Variants in CLNK observed in about 807,000 individuals in gnomAD.
CLNK encodes the protein cytokine dependent hematopoietic cell linker, also known as cytokine-dependent hematopoietic cell linker.
A neutral mutation model predicts 68.6 loss-of-function variants in CLNK; 74 were observed. The observed-to-expected ratio is 1.08, with a 90% CI of 0.89 to 1.31. CLNK has a LOEUF of 1.31. Among genes scored for constraint, CLNK ranks in the 50% most tolerant of loss-of-function variants. CLNK has a pLI of 0.00. For synonymous variants in CLNK, 198 were observed against 172.2 expected (o/e 1.15, Z -1.17); for missense variants, 553 against 515.3 (o/e 1.07, Z -0.71).
chr4:10,577,612 C>T (rs6852503), intron 4 of CLNK, among the ~76,000 whole-genome samples: 111,798 of 151,848 alleles, frequency 0.74, 41,974 homozygotes, highest in East Asian at 0.85. Context: ...TTTTTGTTTT[C>T]TTTCTCCATC....
intron 9 of CLNK, 71 bp downstream of exon 9, chr4:10,542,184 T>C: frequency 1.7e-6 from 2 of 1,196,806 alleles, no homozygotes; most frequent in Non-Finnish European, 2.4e-6. Flanking sequence ...TCTGAGTTTT[T>C]GCATCATCTA....
chr4:10,675,778 A>G (rs995509731), intron 1 of CLNK, among the ~76,000 whole-genome samples: 2 of 152,148 alleles, frequency 1.3e-5, no homozygotes, highest in Non-Finnish European at 2.9e-5. Context: ...GCAAACTGTG[A>G]ACGGCTAAAG....
chr4:10,614,660 G>C (rs891725865), intron 2 of CLNK, among the ~76,000 whole-genome samples: 1 of 152,164 alleles, frequency 6.6e-6, no homozygotes, highest in African/African-American at 2.4e-5. Flanking sequence ...AAGAGGCCAC[G>C]GAATCTGTGT....
At chr4:10,565,158 G>A (rs1206789128) in intron 6 of CLNK, among the ~76,000 whole-genome samples, 3 of 152,074 alleles carry the variant, frequency 2.0e-5, no homozygotes, top group African/African-American at 7.2e-5. Flanking sequence ...CATCGGTTGA[G>A]CTGCTGGTTT....
chr4:10,587,913 GC>G (rs1027244564), intron 3 of CLNK, among the ~76,000 whole-genome samples: 1 of 152,182 alleles, frequency 6.6e-6, no homozygotes, highest in African/African-American at 2.4e-5. Flanking sequence ...AACAGTTGGC[GC>G]CCTTTCAAGC....
intron 1 of CLNK, among the ~76,000 whole-genome samples, chr4:10,674,205 G>A (rs1223400535): frequency 5.9e-5 from 9 of 152,048 alleles, no homozygotes; most frequent in Non-Finnish European, 1.3e-4. Flanking sequence ...TGTCAGGGAG[G>A]GACCAGGCAG....
intron 2 of CLNK, among the ~76,000 whole-genome samples, chr4:10,606,585 A>T (rs775085542): frequency 6.6e-6 from 1 of 152,234 alleles, no homozygotes; most frequent in African/African-American, 2.4e-5. Context: ...ATATGCTGGC[A>T]GCACAGTTTT....
intron 17 of CLNK, among the ~76,000 whole-genome samples, chr4:10,504,552 A>C (rs1039729542): frequency 6.6e-6 from 1 of 152,224 alleles, no homozygotes; most frequent in African/African-American, 2.4e-5. Context: ...AATACCGAAA[A>C]GCCAAACCAA....
chr4:10,513,344 A>G, intron 16 of CLNK, 120 bp downstream of exon 16: 1 of 865,324 alleles, frequency 1.2e-6, no homozygotes, highest in South Asian at 1.9e-5. Flanking sequence ...AGTAACATAT[A>G]GCCAGAAGGG....
At chr4:10,546,825 T>C (rs997678850) in intron 8 of CLNK, among the ~76,000 whole-genome samples, 1 of 152,174 alleles carries the variant, frequency 6.6e-6, no homozygotes, top group African/African-American at 2.4e-5. Flanking sequence ...TTTATTTCTT[T>C]CAGTTGTGGA....
intron 2 of CLNK, among the ~76,000 whole-genome samples, chr4:10,618,590 A>G (rs1163576431): frequency 6.6e-6 from 1 of 152,252 alleles, no homozygotes; most frequent in Non-Finnish European, 1.5e-5. Flanking sequence ...GGTAATTTAT[A>G]AAGAAATGAG....
the CLNK span, among the ~76,000 whole-genome samples, chr4:10,733,814 T>C: frequency 1.3e-5 from 2 of 152,240 alleles, no homozygotes; most frequent in African/African-American, 4.8e-5. Context: ...GCTAGAGTTC[T>C]ACAGAGAATG....
At chr4:10,690,433 C>A in the CLNK span, among the ~76,000 whole-genome samples, 29 of 152,262 alleles carry the variant, frequency 1.9e-4, no homozygotes, top group Non-Finnish European at 3.2e-4. Context: ...ACCACAGAAG[C>A]AGAAGTGGTA....
At chr4:10,593,733 G>A (rs905357881) in intron 3 of CLNK, among the ~76,000 whole-genome samples, 4 of 152,176 alleles carry the variant, frequency 2.6e-5, no homozygotes, top group African/African-American at 9.7e-5. Flanking sequence ...GGCCTCATGG[G>A]CCCTGAGAAA....
At chr4:10,700,540 A>G in the CLNK span, among the ~76,000 whole-genome samples, 2 of 152,186 alleles carry the variant, frequency 1.3e-5, no homozygotes, top group Non-Finnish European at 2.9e-5. Context: ...GATGTAGGTG[A>G]CATTTATAAT....
the CLNK span, among the ~76,000 whole-genome samples, chr4:10,706,932 C>A: frequency 2.0e-5 from 3 of 152,268 alleles, no homozygotes; most frequent in East Asian, 1.9e-4. Context: ...TCAGACCCCC[C>A]TCCCTTTTGG....
chr4:10,699,432 T>C, the CLNK span, among the ~76,000 whole-genome samples: 1 of 140,940 alleles, frequency 7.1e-6, no homozygotes, highest in Admixed American at 7.1e-5. Context: ...TAAAATGACA[T>C]TGTATTTGTA....
intron 7 of CLNK, among the ~76,000 whole-genome samples, chr4:10,563,296 T>G (rs1179837770): frequency 6.6e-6 from 1 of 152,174 alleles, no homozygotes. Flanking sequence ...ACTGAAAAAC[T>G]AATAGCCAGT....
At chr4:10,696,963 C>G in the CLNK span, among the ~76,000 whole-genome samples, 1 of 152,160 alleles carries the variant, frequency 6.6e-6, no homozygotes, top group Non-Finnish European at 1.5e-5. Flanking sequence ...GCATTCTAAA[C>G]AAATTCTCCT....
Sources: gnomAD v4.1 joint callset for allele counts (sites outside exome capture counted in the v4.1 genomes callset) on GRCh38, gnomAD v4.1.1 for gene constraint, MANE v1.5 for transcripts, NCBI Gene and HGNC (gene_info 2026-07-23, HGNC 2026-07-21) for gene names.